The following DPP10 variants were observed in gnomAD, a reference collection of about 807,000 sequenced individuals.
DPP10 encodes the protein dipeptidyl peptidase like 10, also known as inactive dipeptidyl peptidase 10.
DPP10 carries 33 observed loss-of-function variants against 120.9 expected under a neutral mutation model. The observed-to-expected ratio is 0.27, with a 90% CI of 0.21 to 0.37. The LOEUF (loss-of-function observed/expected upper bound fraction) is 0.37, where lower values mean the gene tolerates loss of function less well. DPP10 is among the 10% of genes least tolerant of loss of function. The probability of loss-of-function intolerance (pLI) is 1.00; values close to 1 mark genes in which losing one functional copy is unlikely to be tolerated. For synonymous variants in DPP10, 337 were observed against 326.1 expected, an observed-to-expected ratio of 1.03 and a Z score of -0.36; for missense variants, 816 against 942.8, an observed-to-expected ratio of 0.87 and a Z score of 1.76.
chr2:115,459,383 T>C (rs843421), intron 3 of DPP10, among the ~76,000 whole-genome samples: 125,684 of 151,874 alleles, frequency 0.83, 55,051 homozygotes, highest in Non-Finnish European at 0.97. Flanking sequence ...TCTCGAACTC[T>C]TGACCTCAGG....
At chr2:115,144,185 T>G (rs765660828) in intron 1 of DPP10, 1 of 151,926 alleles carries the variant, frequency 6.6e-6, no homozygotes, top group African/African-American at 2.4e-5. Context: ...AACCAATTCC[T>G]GAAACTTGGA....
intron 1 of DPP10, among the ~76,000 whole-genome samples, chr2:114,795,327 T>TA (rs5833560): frequency 0.055 from 8,188 of 147,592 alleles, 250 homozygotes; most frequent in South Asian, 0.1. Flanking sequence ...TACTAAAAAT[T>TA]AAAAAAAAAA....
intron 19 of DPP10, among the ~76,000 whole-genome samples, chr2:115,797,765 A>G (rs1242879574): frequency 6.6e-6 from 1 of 151,932 alleles, no homozygotes; most frequent in Non-Finnish European, 1.5e-5. Flanking sequence ...TAGATAATGC[A>G]TCTTAAATGT....
chr2:115,508,889 G>A (rs1007630577), intron 4 of DPP10, among the ~76,000 whole-genome samples: 2 of 152,086 alleles, frequency 1.3e-5, no homozygotes, highest in East Asian at 1.9e-4. Context: ...GCAACAGAGC[G>A]AGACTTCATC....
At chr2:115,372,798 G>A (rs1391707203) in intron 3 of DPP10, among the ~76,000 whole-genome samples, 1 of 152,142 alleles carries the variant, frequency 6.6e-6, no homozygotes, top group Non-Finnish European at 1.5e-5. Flanking sequence ...GGTGTAGGGA[G>A]AATGAGTGCA....
chr2:114,967,810 T>A (rs567169473), intron 1 of DPP10, among the ~76,000 whole-genome samples: 93 of 152,052 alleles, frequency 6.1e-4, no homozygotes, highest in African/African-American at 2.1e-3. Context: ...TCATTATCAT[T>A]ATTATTATTC....
intron 1 of DPP10, among the ~76,000 whole-genome samples, chr2:114,726,671 T>C (rs1574052101): frequency 6.6e-6 from 1 of 152,234 alleles, no homozygotes; most frequent in East Asian, 1.9e-4. Flanking sequence ...CTGAAACCTA[T>C]ATCTGTCAGA....
intron 16 of DPP10, 131 bp downstream of exon 16, chr2:115,781,126 A>G (rs1432506968): frequency 3.1e-6 from 2 of 649,866 alleles, no homozygotes; most frequent in Admixed American, 7.3e-5. Context: ...AATAGGATAT[A>G]CATTATATAT....
intron 1 of DPP10, among the ~76,000 whole-genome samples, chr2:114,629,315 G>A (rs1694747151): frequency 6.6e-6 from 1 of 152,012 alleles, no homozygotes; most frequent in Admixed American, 6.6e-5. Context: ...TGGCTAACTG[G>A]GACTTATTGA....
chr2:115,576,228 G>T (rs191899006), intron 5 of DPP10, among the ~76,000 whole-genome samples: 1 of 152,268 alleles, frequency 6.6e-6, no homozygotes, highest in East Asian at 1.9e-4. Flanking sequence ...ATGCCTTAAA[G>T]AATATCACAA....
chr2:114,699,637 A>G (rs755081644), intron 1 of DPP10, among the ~76,000 whole-genome samples: 1 of 152,144 alleles, frequency 6.6e-6, no homozygotes, highest in African/African-American at 2.4e-5. Flanking sequence ...AGAGGAAGTT[A>G]GAACACCAGT....
intron 1 of DPP10, among the ~76,000 whole-genome samples, chr2:114,496,153 G>T (rs1682498858): frequency 6.6e-6 from 1 of 152,086 alleles, no homozygotes; most frequent in African/African-American, 2.4e-5. Flanking sequence ...CTAAAGTGGT[G>T]GTGGGGTGGG....
intron 1 of DPP10, among the ~76,000 whole-genome samples, chr2:114,737,733 G>C (rs1677594311): frequency 6.6e-6 from 1 of 152,190 alleles, no homozygotes; most frequent in Admixed American, 6.5e-5. Flanking sequence ...CATGGGTTCT[G>C]TTCTCAGTTC....
intron 10 of DPP10, among the ~76,000 whole-genome samples, chr2:115,751,783 A>T (rs1043266461): frequency 6.9e-6 from 1 of 144,790 alleles, no homozygotes; most frequent in Non-Finnish European, 1.5e-5. Context: ...TGGGTTAATT[A>T]ACTGTGTTTT....
chr2:115,450,146 A>T (rs547219029), intron 3 of DPP10, among the ~76,000 whole-genome samples: 2 of 152,036 alleles, frequency 1.3e-5, no homozygotes, highest in Admixed American at 6.6e-5. Context: ...AATACTCCCA[A>T]CCTACCAAAC....
At chr2:115,378,436 C>G (rs1267199259) in intron 3 of DPP10, among the ~76,000 whole-genome samples, 1 of 151,628 alleles carries the variant, frequency 6.6e-6, no homozygotes, top group African/African-American at 2.4e-5. Flanking sequence ...TGCTTATCAG[C>G]TTAAGGAGAT....
chr2:115,355,954 T>G (rs1417350891), intron 3 of DPP10, among the ~76,000 whole-genome samples: 1 of 152,332 alleles, frequency 6.6e-6, no homozygotes, highest in East Asian at 1.9e-4. Flanking sequence ...TTTTGGTGAC[T>G]GTAGCCATGT....
In DPP10 at chr2:115,844,746, G is replaced by T. The variant is rs1031842685; in HGVS notation, c.*2401G>T. 6.6e-6 allele frequency: 1 copy of T among 152,072 alleles called. No individual in the cohort carries two copies. The highest frequency in any genetic ancestry group is 1.5e-5 in the Non-Finnish European group (1 of 68,012). 9.4% of individuals were successfully genotyped at this position (152,072 alleles called of 1,614,324 possible). ...TTCCAAGTGTTATTATTCCCTTAAT[G>T]TTAAAGAAAAAAATCAATATATTGA... On this transcript the variant is annotated 3_prime_UTR_variant, in exon 26 of 26. Transcript: ENST00000410059.
At chr2:115,428,277 G>C (rs1190247740) in intron 3 of DPP10, among the ~76,000 whole-genome samples, 5 of 152,136 alleles carry the variant, frequency 3.3e-5, no homozygotes, top group Non-Finnish European at 5.9e-5. Flanking sequence ...CAATTCCAAA[G>C]CTGTTTCCAC....
Sources: gnomAD v4.1 joint callset for allele counts (sites outside exome capture counted in the v4.1 genomes callset) on GRCh38, gnomAD v4.1.1 for gene constraint, MANE v1.5 for transcripts, NCBI Gene and HGNC (gene_info 2026-07-23, HGNC 2026-07-21) for gene names.